The following ERAP1 variants were observed in gnomAD, a reference collection of about 807,000 sequenced individuals.
ERAP1 encodes the protein adipocyte-derived leucine aminopeptidase.
A neutral mutation model predicts 103.7 loss-of-function variants in ERAP1; 86 were observed. The ratio of observed to expected loss-of-function variants is 0.83; its 90% CI spans 0.70 to 0.99. The LOEUF is 0.99. ERAP1 is among the 50% of genes least tolerant of loss of function. The pLI is 0.00. For synonymous variants in ERAP1, 398 were observed against 402.4 expected (o/e 0.99, Z 0.13); for missense variants, 1,009 against 1,128.4 (o/e 0.89, Z 1.52).
the ERAP1 span, among the ~76,000 whole-genome samples, chr5:96,833,064 A>C: frequency 1.3e-5 from 2 of 152,220 alleles, no homozygotes; most frequent in African/African-American, 4.8e-5. Context: ...AGCCATGCTG[A>C]TGCCTTAATT....
At chr5:96,798,487 T>C (rs1777610392) in intron 3 of ERAP1, among the ~76,000 whole-genome samples, 1 of 151,916 alleles carries the variant, frequency 6.6e-6, no homozygotes, top group African/African-American at 2.4e-5. Context: ...AGCACGGAGA[T>C]GGAAAAAGAA....
chr5:96,837,026 C>G, the ERAP1 span, among the ~76,000 whole-genome samples: 8 of 152,024 alleles, frequency 5.3e-5, no homozygotes, highest in African/African-American at 1.9e-4. Context: ...GACTTTCAAT[C>G]AAAATATATT....
At chr5:96,833,789 T>A in the ERAP1 span, among the ~76,000 whole-genome samples, 1 of 105,668 alleles carries the variant, frequency 9.5e-6, no homozygotes, top group Admixed American at 9.2e-5. Flanking sequence ...AGAGCAAGGC[T>A]CGGAAAAAAA....
the ERAP1 span, chr5:96,896,967 T>TGGGTAACGATAGACTGTA: frequency 2.3e-6 from 1 of 427,024 alleles, no homozygotes; most frequent in Non-Finnish European, 3.2e-6. Context: ...CAACCATATT[T>TGGGTAACGATAGACTGTA]ATTCTGCTTG....
Position 96,785,822 on chromosome 5 carries a change from C to T in ERAP1, c.1909G>A (p.Ala637Thr), listed in dbSNP as rs530052485. ...THTAVSSNDR[A>T]SLINNAFQLV... ...TGAAATGCATTGTTAATGAGACTCGCCCGATCATTACTGCTGACTGCTGTG... is the reference window on the plus strand; with the variant it reads ...TGAAATGCATTGTTAATGAGACTCGTCCGATCATTACTGCTGACTGCTGTG... The change falls in exon 13 of 19, where the codon GCG becomes ACG. Residue 637 changes from alanine to threonine, a missense_variant. Physicochemically the swap from Ala to Thr is moderately conservative, Grantham distance 58. Around this residue, in one of 3 missense-constraint regions of ERAP1, gnomAD observed 611 missense variants for 651.7 expected, o/e 0.94. Coordinates refer to ENST00000443439, the MANE Select transcript of ERAP1 (RefSeq NM_001040458.3). The T allele has an allele frequency of 3.7e-6, 6 of 1,614,132 alleles. 1 individual carries two copies. In the Admixed American group the frequency reaches 8.3e-5, roughly 22 times the overall value.
chr5:96,813,813 C>G, the ERAP1 span, among the ~76,000 whole-genome samples: 1 of 152,094 alleles, frequency 6.6e-6, no homozygotes, highest in Admixed American at 6.5e-5. Flanking sequence ...ACAGATCAAG[C>G]CATAAAGAGC....
At chr5:96,880,170 A>C in the ERAP1 span, 1 of 1,613,984 alleles carries the variant, frequency 6.2e-7, no homozygotes, top group African/African-American at 1.3e-5. Flanking sequence ...CACCTGAAAT[A>C]CTATGTGGCT....
At chr5:96,867,071 A>AC in the ERAP1 span, among the ~76,000 whole-genome samples, 3 of 150,616 alleles carry the variant, frequency 2.0e-5, no homozygotes, top group East Asian at 5.9e-4. Flanking sequence ...CAGTGGTACA[A>AC]CCTTGGCTCA....
At chr5:96,884,155 T>C in the ERAP1 span, among the ~76,000 whole-genome samples, 9 of 148,212 alleles carry the variant, frequency 6.1e-5, no homozygotes, top group Non-Finnish European at 9.0e-5. Flanking sequence ...GCTTTTTTTT[T>C]CCCAAGCAAA....
At chr5:96,801,501 G>A (rs10074708) in intron 2 of ERAP1, among the ~76,000 whole-genome samples, 24,541 of 150,946 alleles carry the variant, frequency 0.16, 2,261 homozygotes, top group Non-Finnish European at 0.22. Context: ...TAAAAAACAG[G>A]GAAAATTCAT....
At chr5:96,918,445 G>C in the ERAP1 span, 1 of 152,154 alleles carries the variant, frequency 6.6e-6, no homozygotes, top group African/African-American at 2.4e-5. Flanking sequence ...TAGGTGTCAG[G>C]GTTTATCAAG....
the ERAP1 span, among the ~76,000 whole-genome samples, chr5:96,824,474 C>CCACTATATGAACACACTAGGATGT: frequency 6.6e-6 from 1 of 152,224 alleles, no homozygotes; most frequent in Non-Finnish European, 1.5e-5. Context: ...GAGGTCTATA[C>CCACTATATGAACACACTAGGATGT]ATCCCTATGT....
Position 96,800,893 on chromosome 5 carries a change from G to T in ERAP1, c.632C>A (p.Pro211Gln). The change falls in exon 3 of 19, where the codon CCA (proline) becomes CAA (glutamine). Residue 211 changes from proline to glutamine, a missense_variant. By Grantham distance (76) the Pro-to-Gln change is moderately conservative. Coordinates refer to ENST00000443439, the MANE Select transcript of ERAP1 (RefSeq NM_001040458.3). ...CATATTGGAGATGGCTAGGTGCCTT[G>T]GCTCTCTTCTAATTTTGATTGAGAA... ...ASFSIKIRREPRHLAISNMPL... is the reference protein window; with the variant it reads ...ASFSIKIRREQRHLAISNMPL... 1 of 1,614,108 alleles carries T rather than the reference G, an allele frequency of 6.2e-7. No individual in the cohort carries two copies. The highest frequency in any genetic ancestry group is 8.5e-7 in the Non-Finnish European group (1 of 1,180,018).
chr5:96,792,327 A>G, intron 7 of ERAP1, 135 bp from the exon 8 acceptor site: 1 of 732,652 alleles, frequency 1.4e-6, no homozygotes, highest in South Asian at 1.6e-5. Flanking sequence ...ATTTCCTAAT[A>G]TTTATGAAAC....
At chr5:96,793,701 TAAA>T in intron 6 of ERAP1, 99 bp downstream of exon 6, 1 of 1,265,242 alleles carries the variant, frequency 7.9e-7, no homozygotes, top group Non-Finnish European at 1.1e-6. Flanking sequence ...TTTTTCCTAT[TAAA>T]AAAAGACAAA....
At chr5:96,882,671 T>C in the ERAP1 span, among the ~76,000 whole-genome samples, 4 of 152,232 alleles carry the variant, frequency 2.6e-5, no homozygotes, top group Non-Finnish European at 4.4e-5. Flanking sequence ...CAAAATTTCA[T>C]GTGAGTGAAA....
the ERAP1 span, among the ~76,000 whole-genome samples, chr5:96,864,085 T>A: frequency 6.6e-6 from 1 of 152,194 alleles, no homozygotes; most frequent in African/African-American, 2.4e-5. Flanking sequence ...TATTCACATT[T>A]ACACGCACAC....
At chr5:96,867,287 A>T in the ERAP1 span, among the ~76,000 whole-genome samples, 1 of 152,224 alleles carries the variant, frequency 6.6e-6, no homozygotes, top group African/African-American at 2.4e-5. Context: ...GGTTACAGGC[A>T]TGAACCACCG....
At chr5:96,906,005 C>CT in the ERAP1 span, among the ~76,000 whole-genome samples, 1 of 148,180 alleles carries the variant, frequency 6.7e-6, no homozygotes, top group South Asian at 2.1e-4. Flanking sequence ...TATTGAATTC[C>CT]TGGCCTCAAG....
Sources: gnomAD v4.1 joint callset for allele counts (sites outside exome capture counted in the v4.1 genomes callset) on GRCh38, gnomAD v4.1.1 for gene constraint, gnomAD v4.1.1 regional missense constraint, MANE v1.5 for transcripts, NCBI Gene and HGNC (gene_info 2026-07-23, HGNC 2026-07-21) for gene names.